DAP: variants seen among roughly 807,000 people sequenced by gnomAD.
DAP encodes the protein death-associated protein 1.
Under a neutral mutation model 13.8 loss-of-function variants are expected in DAP, and 8 were observed. That is an observed-to-expected ratio of 0.58 (90% CI 0.34 to 1.05). DAP has a LOEUF of 1.05. Ranked by LOEUF, DAP falls within the 50% of genes least tolerant of loss-of-function variation. The pLI is 0.03. For synonymous variants in DAP, 47 were observed against 47.5 expected, an observed-to-expected ratio of 0.99 and a Z score of 0.04; for missense variants, 106 against 133.2, an observed-to-expected ratio of 0.80 and a Z score of 1.01.
intron 1 of DAP, among the ~76,000 whole-genome samples, chr5:10,753,525 A>C (rs1468915390): frequency 6.6e-6 from 1 of 152,258 alleles, no homozygotes; most frequent in Non-Finnish European, 1.5e-5. Context: ...TCTGGGAGGT[A>C]AGCAAACACC....
chr5:10,750,319 G>A (rs1189524771), intron 1 of DAP, among the ~76,000 whole-genome samples: 2 of 152,148 alleles, frequency 1.3e-5, no homozygotes, highest in Non-Finnish European at 2.9e-5. Context: ...CAATTTCCCT[G>A]GGAGACTTGG....
intron 2 of DAP, among the ~76,000 whole-genome samples, chr5:10,743,294 A>G (rs1426212538): frequency 6.6e-6 from 1 of 151,818 alleles, no homozygotes; most frequent in Non-Finnish European, 1.5e-5. Context: ...TGCATTTCCC[A>G]CTCCCTTCAA....
chr5:10,710,603 G>C (rs546365840), intron 2 of DAP, among the ~76,000 whole-genome samples: 1 of 152,214 alleles, frequency 6.6e-6, no homozygotes, highest in Non-Finnish European at 1.5e-5. Flanking sequence ...AGGAAGGCAC[G>C]AGGGTCCACA....
intron 2 of DAP, among the ~76,000 whole-genome samples, chr5:10,710,121 C>T (rs1738806238): frequency 6.6e-6 from 1 of 152,190 alleles, no homozygotes; most frequent in Non-Finnish European, 1.5e-5. Context: ...GGAAAAATCA[C>T]TTCCTCAGCA....
chr5:10,683,750 TCTC>T (rs992763580), intron 2 of DAP, among the ~76,000 whole-genome samples, 179 bp from the exon 3 acceptor site: 7 of 152,114 alleles, frequency 4.6e-5, no homozygotes, highest in Admixed American at 6.5e-5. Flanking sequence ...GGAGCCTCCT[TCTC>T]CTGAGGCTAG....
chr5:10,688,768 G>A (rs534774772), intron 2 of DAP, among the ~76,000 whole-genome samples: 6 of 152,278 alleles, frequency 3.9e-5, no homozygotes, highest in South Asian at 2.1e-4. Flanking sequence ...CTGTGAGTAC[G>A]CCACCCTTTG....
chr5:10,735,020 C>T (rs1485978851), intron 2 of DAP, among the ~76,000 whole-genome samples: 1 of 152,200 alleles, frequency 6.6e-6, no homozygotes. Context: ...CTTTCAGTGT[C>T]TTGCAACATA....
intron 2 of DAP, among the ~76,000 whole-genome samples, chr5:10,746,843 C>A (rs1014738275): frequency 2.6e-5 from 4 of 152,330 alleles, no homozygotes; most frequent in African/African-American, 7.2e-5. Context: ...CACTTAGAAG[C>A]AGACAGGCAG....
At chr5:10,752,695 C>T (rs1021637212) in intron 1 of DAP, among the ~76,000 whole-genome samples, 11 of 152,142 alleles carry the variant, frequency 7.2e-5, no homozygotes, top group Admixed American at 2.0e-4. Context: ...TGTGTGCATA[C>T]GTATGTGCTT....
chr5:10,707,685 G>T lies in DAP; in HGVS notation c.153-24114C>A, dbSNP rs1313389547. ...TTTGCGATCAGTGTGGTGCACAGGC[G>T]GCGTGATGTACAGGTGGTGTGATGC... On this transcript the variant is annotated intron_variant, in intron 2 of 3. Transcript: ENST00000230895. The surrounding 1 kb of genome is among the most constrained non-coding windows in gnomAD (Gnocchi z 4.0). Among the ~76,000 whole-genome samples, 1 of 151,914 alleles carries T rather than the reference G, an allele frequency of 6.6e-6. No homozygotes were observed. Among genetic ancestry groups the T allele is most frequent in the African/African-American group, 2.4e-5 (1 of 41,324 alleles).
intron 2 of DAP, among the ~76,000 whole-genome samples, chr5:10,697,294 G>A (rs1390611443): frequency 5.9e-5 from 9 of 152,174 alleles, no homozygotes; most frequent in African/African-American, 1.2e-4. Flanking sequence ...ACAGATGCGC[G>A]GCTGTCCAGC....
At chr5:10,696,329 TA>T (rs1433985213) in intron 2 of DAP, among the ~76,000 whole-genome samples, 5 of 151,962 alleles carry the variant, frequency 3.3e-5, no homozygotes, top group Admixed American at 6.6e-5. Flanking sequence ...AGCCAGGGAA[TA>T]GGGGGTGTGG....
In DAP at chr5:10,748,159, G is replaced by A. The variant is rs762294414; in HGVS notation, c.152+16C>T. 1.1e-5 allele frequency: 17 copies of A among 1,562,504 alleles called. No individual in the cohort carries two copies. Among genetic ancestry groups the A allele is most frequent in the African/African-American group, 9.5e-5 (7 of 73,868 alleles). Reference sequence around the variant, plus strand: ...TTTTTGGAAAACATGCTCAAGAGTCGCTAGCATCATCCCACCTGGGGCTTT... The same window carrying A: ...TTTTTGGAAAACATGCTCAAGAGTCACTAGCATCATCCCACCTGGGGCTTT... On this transcript the variant is annotated intron_variant, in intron 2 of 3. Coordinates refer to ENST00000230895, the MANE Select transcript of DAP (RefSeq NM_004394.3).
At chr5:10,687,401 A>C (rs932825600) in intron 2 of DAP, among the ~76,000 whole-genome samples, 10 of 152,260 alleles carry the variant, frequency 6.6e-5, no homozygotes, top group African/African-American at 2.4e-4. Flanking sequence ...AGATGCCACT[A>C]AGAATACTCA....
intron 2 of DAP, among the ~76,000 whole-genome samples, chr5:10,711,520 G>A (rs945084521): frequency 5.3e-5 from 8 of 152,280 alleles, no homozygotes; most frequent in South Asian, 4.1e-4. Context: ...TACCTCCAGC[G>A]TTTATGCTCT....
chr5:10,743,584 A>G (rs1356111534), intron 2 of DAP, among the ~76,000 whole-genome samples: 1 of 152,200 alleles, frequency 6.6e-6, no homozygotes, highest in African/African-American at 2.4e-5. Context: ...AGCCCAGATC[A>G]TGGCAGAATG....
chr5:10,688,739 G>A (rs1738220275), intron 2 of DAP, among the ~76,000 whole-genome samples: 1 of 152,218 alleles, frequency 6.6e-6, no homozygotes, highest in African/African-American at 2.4e-5. Flanking sequence ...GAGATCCCCA[G>A]CAATGAGGGT....
chr5:10,735,406 A>G (rs1278683425), intron 2 of DAP, among the ~76,000 whole-genome samples: 1 of 152,226 alleles, frequency 6.6e-6, no homozygotes, highest in Non-Finnish European at 1.5e-5. Flanking sequence ...GAGAAATCCC[A>G]TCTCAAGGGT....
rs199879412 is a variant in DAP, at chr5:10,683,620, A to G, written c.153-49T>C. ...CAGATTTAACAAAACAGTCCACAAC[A>G]GGGAACACGGTGGCAGACGATGTGT... On this transcript the variant is annotated intron_variant, in intron 2 of 3. Coordinates refer to ENST00000230895, the MANE Select transcript of DAP (RefSeq NM_004394.3). 1.4e-4 allele frequency: 215 copies of G among 1,583,640 alleles called. No homozygotes were observed. In the African/African-American group the frequency reaches 2.4e-3, roughly 18 times the overall value.
Sources: allele counts gnomAD v4.1 joint callset (sites outside exome capture counted in the v4.1 genomes callset), GRCh38; gene constraint gnomAD v4.1.1; non-coding constraint Gnocchi (gnomAD v3.1); transcripts MANE v1.5; gene names NCBI Gene and HGNC (gene_info 2026-07-23, HGNC 2026-07-21).